The following RASA3 variants were observed in gnomAD, a reference collection of about 807,000 sequenced individuals.
The protein encoded by RASA3 is RAS p21 protein activator 3.
A neutral mutation model predicts 110.0 loss-of-function variants in RASA3; 73 were observed. The observed-to-expected ratio is 0.66, with a 90% CI of 0.55 to 0.81. RASA3 has a LOEUF of 0.81. Ranked by LOEUF, RASA3 falls within the 30% of genes least tolerant of loss-of-function variation. The pLI, the probability that RASA3 is intolerant of heterozygous loss-of-function variation, is 0.00. For missense variants in RASA3, 976 were observed against 1,113.2 expected, an observed-to-expected ratio of 0.88 and a Z score of 1.75; for synonymous variants, 500 against 451.4, an observed-to-expected ratio of 1.11 and a Z score of -1.37.
chr13:114,016,179 T>C lies in RASA3; in HGVS notation c.1281+18A>G. On this transcript the variant is annotated intron_variant, in intron 13 of 23. Coordinates refer to ENST00000334062, the MANE Select transcript of RASA3 (RefSeq NM_007368.4). ...CAAGCAGGTGACTGGCTTTGGTTGG[T>C]TCATGAACAAAACCTACCATGTTGT... 1 of 1,558,240 alleles carries C rather than the reference T, an allele frequency of 6.4e-7. No homozygotes were observed. The highest frequency in any genetic ancestry group is 8.9e-7 in the Non-Finnish European group (1 of 1,129,830).
chr13:114,105,564 C>A (rs924237941), intron 1 of RASA3, among the ~76,000 whole-genome samples: 5 of 152,214 alleles, frequency 3.3e-5, no homozygotes, highest in African/African-American at 1.2e-4. Context: ...AAGCTCCTCA[C>A]CTGCCTCCTG....
intron 20 of RASA3, 97 bp downstream of exon 20, chr13:113,999,488 T>G: frequency 1.1e-6 from 1 of 914,744 alleles, no homozygotes; most frequent in Non-Finnish European, 1.8e-6. Flanking sequence ...GTGCAGTGGG[T>G]GGGGAAGGGT....
chr13:114,117,773 CGT>C (rs962040446), intron 1 of RASA3, among the ~76,000 whole-genome samples: 1 of 90,080 alleles, frequency 1.1e-5, no homozygotes, highest in African/African-American at 4.0e-5. Flanking sequence ...TGTGAGAGCA[CGT>C]GTGTGAGGAG....
At chr13:114,129,157 T>C (rs1165235996) in intron 1 of RASA3, among the ~76,000 whole-genome samples, 1 of 152,190 alleles carries the variant, frequency 6.6e-6, no homozygotes, top group East Asian at 1.9e-4. Flanking sequence ...TCATGGAAAG[T>C]CCGAAGCACA....
In RASA3 at chr13:114,048,300, A is replaced by G. The variant is rs1418251719; in HGVS notation, c.277+3752T>C. 1.3e-4 allele frequency among the ~76,000 whole-genome samples: 20 copies of G among 150,778 alleles called. 1 individual carries two copies. Among genetic ancestry groups the G allele is most frequent in the Middle Eastern group, 3.4e-3 (1 of 290 alleles). On this transcript the variant is annotated intron_variant, in intron 3 of 23. Coordinates refer to ENST00000334062, the MANE Select transcript of RASA3 (RefSeq NM_007368.4). This position sits in a 1 kb window ranked among gnomAD's most constrained non-coding sequence, Gnocchi z 4.3. ...ACTGCCCTCCAGCCTGGGCGACAGA[A>G]AGAGACTCCGTCTCAAAAAAAAAAA...
intron 4 of RASA3, among the ~76,000 whole-genome samples, chr13:114,030,276 C>A (rs2054122663): frequency 6.6e-6 from 1 of 152,226 alleles, no homozygotes. Flanking sequence ...CAGCTGTCTC[C>A]CAAGCAGGGG....
At chr13:114,113,593 A>G (rs2080244410) in intron 1 of RASA3, among the ~76,000 whole-genome samples, 1 of 151,544 alleles carries the variant, frequency 6.6e-6, no homozygotes, top group Non-Finnish European at 1.5e-5. Flanking sequence ...TACAGCTCAC[A>G]CCGCATCCAT....
chr13:114,112,104 C>CCCCG lies in RASA3; in HGVS notation c.55+20330_55+20331insCGGG, dbSNP rs1555343915. Among the ~76,000 whole-genome samples the CCCCG allele has an allele frequency of 2.6e-4, 40 of 151,886 alleles. No individual in the cohort carries two copies. Among genetic ancestry groups the CCCCG allele is most frequent in the Non-Finnish European group, 5.9e-5 (4 of 67,944 alleles). On this transcript the variant is annotated intron_variant, in intron 1 of 23. Coordinates refer to ENST00000334062, the MANE Select transcript of RASA3 (RefSeq NM_007368.4). The surrounding 1 kb of genome is among the most constrained non-coding windows in gnomAD (Gnocchi z 4.8). ...GGAAACAGCAGCCCCCAGGCACCCC[C>CCCCG]CCCAGCAACTGGGACAAGGGCACAC...
At chr13:114,013,966 C>CCG (rs2053728083) in intron 14 of RASA3, among the ~76,000 whole-genome samples, 9 of 150,066 alleles carry the variant, frequency 6.0e-5, no homozygotes, top group African/African-American at 7.4e-5. Context: ...CTCTCTCTCT[C>CCG]TCTCCGTCTC....
At chr13:114,130,539 C>G (rs766100128) in intron 1 of RASA3, among the ~76,000 whole-genome samples, 7 of 152,258 alleles carry the variant, frequency 4.6e-5, no homozygotes, top group Non-Finnish European at 7.3e-5. Flanking sequence ...GCCTGACCCC[C>G]ACGCCTGTCG....
At chr13:114,041,503 T>C (rs1286335945) in intron 3 of RASA3, among the ~76,000 whole-genome samples, 1 of 152,252 alleles carries the variant, frequency 6.6e-6, no homozygotes, top group African/African-American at 2.4e-5. Flanking sequence ...TCACTTTCAC[T>C]GTGGTCCGTG....
intron 1 of RASA3, among the ~76,000 whole-genome samples, chr13:114,119,839 T>C (rs1431482404): frequency 8.0e-5 from 4 of 49,754 alleles, no homozygotes; most frequent in East Asian, 5.4e-4. Context: ...AGTCCCCCCC[T>C]TCTCTCCAGC....
intron 1 of RASA3, among the ~76,000 whole-genome samples, chr13:114,129,678 G>A (rs1446722344): frequency 2.6e-5 from 4 of 152,236 alleles, no homozygotes; most frequent in South Asian, 4.1e-4. Context: ...TTCTGGGAGT[G>A]AGGGGGCAGG....
intron 8 of RASA3, 146 bp from the exon 9 acceptor site, chr13:114,021,654 C>G (rs907417946): frequency 4.7e-6 from 3 of 644,110 alleles, no homozygotes. Context: ...CCACAGGGCA[C>G]GTTTCAAACA....
intron 9 of RASA3, among the ~76,000 whole-genome samples, chr13:114,019,316 T>TG (rs1453614529): frequency 6.6e-6 from 1 of 152,180 alleles, no homozygotes; most frequent in African/African-American, 2.4e-5. Context: ...TGTCACGGGG[T>TG]GGGGGCCTTG....
At chr13:114,127,753 G>C (rs1445010002) in intron 1 of RASA3, among the ~76,000 whole-genome samples, 2 of 151,538 alleles carry the variant, frequency 1.3e-5, no homozygotes, top group Non-Finnish European at 2.9e-5. Context: ...CAGTCTCAAA[G>C]AAAAAAAAAT....
In RASA3 at chr13:114,011,392, A is replaced by G; in HGVS notation, c.1513-144T>C. The G allele has an allele frequency of 1.4e-6, 1 of 720,378 alleles. No homozygotes were observed. The highest frequency in any genetic ancestry group is 2.7e-5 in the East Asian group (1 of 36,726). 44.6% of individuals were successfully genotyped at this position (720,378 alleles called of 1,614,324 possible). ...TACGGAGAAACAGGGGTAGCGACGCAGATGGGACTGGAGGGGGTGGGCGTC... is the reference window on the plus strand; with the variant it reads ...TACGGAGAAACAGGGGTAGCGACGCGGATGGGACTGGAGGGGGTGGGCGTC... On this transcript the variant is annotated intron_variant, in intron 15 of 23. Transcript: ENST00000334062. This position sits in a 1 kb window ranked among gnomAD's most constrained non-coding sequence, Gnocchi z 4.8.
At chr13:114,012,597 T>C (rs1265572563) in intron 15 of RASA3, among the ~76,000 whole-genome samples, 35 of 99,050 alleles carry the variant, frequency 3.5e-4, no homozygotes, top group East Asian at 1.4e-3. Flanking sequence ...CACACACTCC[T>C]CATTCCACGC....
At chr13:114,063,123 T>C (rs1177026355) in intron 2 of RASA3, among the ~76,000 whole-genome samples, 1 of 152,180 alleles carries the variant, frequency 6.6e-6, no homozygotes, top group Non-Finnish European at 1.5e-5. Context: ...AACCACTGAA[T>C]TGTACATTTC....
Sources: allele counts gnomAD v4.1 joint callset (sites outside exome capture counted in the v4.1 genomes callset), GRCh38; gene constraint gnomAD v4.1.1; non-coding constraint Gnocchi (gnomAD v3.1); transcripts MANE v1.5; gene names NCBI Gene and HGNC (gene_info 2026-07-23, HGNC 2026-07-21).